The following PLCB1 variants were observed in gnomAD, a reference collection of about 807,000 sequenced individuals.
PLCB1 encodes phospholipase C beta 1, also known as 1-phosphatidylinositol 4,5-bisphosphate phosphodiesterase beta-1.
PLCB1 carries 46 observed loss-of-function variants against 161.8 expected under a neutral mutation model. The ratio of observed to expected loss-of-function variants is 0.28; its 90% CI spans 0.22 to 0.36. The LOEUF (loss-of-function observed/expected upper bound fraction) is 0.36, where lower values mean the gene tolerates loss of function less well. PLCB1 is among the 10% of genes least tolerant of loss of function. PLCB1 has a pLI of 1.00. For synonymous variants in PLCB1, 517 were observed against 503.7 expected (o/e 1.03, Z -0.35); for missense variants, 1,016 against 1,472.5 (o/e 0.69, Z 5.07).
intron 31 of PLCB1, among the ~76,000 whole-genome samples, chr20:8,837,546 G>A (rs1278205631): frequency 6.6e-6 from 1 of 152,164 alleles, no homozygotes; most frequent in Non-Finnish European, 1.5e-5. Context: ...CTGAAACATG[G>A]GCCAGAAGGT....
At chr20:8,767,458 C>T (rs1414183268) in intron 26 of PLCB1, among the ~76,000 whole-genome samples, 1 of 152,162 alleles carries the variant, frequency 6.6e-6, no homozygotes, top group Non-Finnish European at 1.5e-5. Context: ...TACTTTCTGC[C>T]GAGTTCCCAC....
At chr20:8,349,348 A>G (rs1005935850) in intron 2 of PLCB1, among the ~76,000 whole-genome samples, 2 of 152,216 alleles carry the variant, frequency 1.3e-5, no homozygotes, top group Non-Finnish European at 2.9e-5. Context: ...TACAGTCACA[A>G]TTCAATATAA....
intron 9 of PLCB1, among the ~76,000 whole-genome samples, chr20:8,683,790 C>G (rs1466967995): frequency 6.6e-6 from 1 of 151,984 alleles, no homozygotes; most frequent in Non-Finnish European, 1.5e-5. Flanking sequence ...ATTTAAAGAT[C>G]TTTTTTCATG....
At chr20:8,261,199 C>T (rs184504474) in intron 2 of PLCB1, among the ~76,000 whole-genome samples, 1 of 152,102 alleles carries the variant, frequency 6.6e-6, no homozygotes, top group Non-Finnish European at 1.5e-5. Flanking sequence ...GTCTCAGGCT[C>T]TACATTTAGG....
intron 19 of PLCB1, among the ~76,000 whole-genome samples, chr20:8,733,792 TAATAATAATAATAATA>T (rs1394663057): frequency 1.5e-5 from 1 of 65,930 alleles, no homozygotes; most frequent in African/African-American, 5.2e-5. Context: ...AGTATAATAA[TAATAATAATAATAATA>T]ATAATAATAA....
intron 23 of PLCB1, among the ~76,000 whole-genome samples, chr20:8,746,335 A>G (rs890868113): frequency 4.6e-5 from 7 of 152,176 alleles, no homozygotes. Flanking sequence ...TTCTATTTTT[A>G]AAATACCTAT....
intron 3 of PLCB1, among the ~76,000 whole-genome samples, chr20:8,424,037 CCACACAATCTG>C (rs1463172365): frequency 2.6e-5 from 4 of 152,042 alleles, no homozygotes; most frequent in Non-Finnish European, 5.9e-5. Flanking sequence ...GAGGGGTCAC[CCACACAATCTG>C]GAAATTAGGC....
chr20:8,427,572 A>G (rs1482414777), intron 3 of PLCB1, among the ~76,000 whole-genome samples: 6 of 152,192 alleles, frequency 3.9e-5, no homozygotes, highest in Admixed American at 3.9e-4. Flanking sequence ...CAGCAGAGAA[A>G]GAGTTTAATC....
intron 23 of PLCB1, among the ~76,000 whole-genome samples, chr20:8,753,974 A>G (rs1981610898): frequency 6.6e-6 from 1 of 152,186 alleles, no homozygotes; most frequent in Non-Finnish European, 1.5e-5. Flanking sequence ...GTTGTGTCCC[A>G]AGAGTGACAC....
intron 3 of PLCB1, among the ~76,000 whole-genome samples, chr20:8,431,651 A>G (rs1205415330): frequency 6.6e-6 from 1 of 152,178 alleles, no homozygotes; most frequent in Non-Finnish European, 1.5e-5. Context: ...GGACTTGAAT[A>G]TTAAGTCTGA....
chr20:8,401,571 C>A (rs1978553332), intron 3 of PLCB1, among the ~76,000 whole-genome samples: 1 of 152,188 alleles, frequency 6.6e-6, no homozygotes, highest in Admixed American at 6.5e-5. Flanking sequence ...TCCCAAATGT[C>A]AGTGGAATAA....
intron 3 of PLCB1, among the ~76,000 whole-genome samples, chr20:8,529,942 T>C (rs1319577543): frequency 6.6e-6 from 1 of 152,148 alleles, no homozygotes; most frequent in Non-Finnish European, 1.5e-5. Context: ...TATAATTAGT[T>C]ACTGTTTTCC....
intron 10 of PLCB1, among the ~76,000 whole-genome samples, chr20:8,697,204 C>G (rs550635725): frequency 6.6e-6 from 1 of 152,288 alleles, no homozygotes; most frequent in African/African-American, 2.4e-5. Context: ...AGTTTTGATG[C>G]TATAATCCTG....
At chr20:8,773,556 G>T (rs1982797122) in intron 26 of PLCB1, among the ~76,000 whole-genome samples, 1 of 152,176 alleles carries the variant, frequency 6.6e-6, no homozygotes, top group African/African-American at 2.4e-5. Flanking sequence ...ATTTTAGAAT[G>T]AACTAACGCA....
rs760187225 is a variant in PLCB1, at chr20:8,883,696, TAAA to T, written c.*1853_*1855del. On this transcript the variant is annotated 3_prime_UTR_variant, in exon 32 of 32. Coordinates refer to ENST00000338037, the MANE Select transcript of PLCB1 (RefSeq NM_015192.4). Reference sequence around the variant, plus strand: ...CAAACATAAGGAAACAGTGTTTGATTAAAAAAAACACATCTAGTAAGACGTAAG... The same window carrying T: ...CAAACATAAGGAAACAGTGTTTGATTAAAAACACATCTAGTAAGACGTAAG... The T allele has an allele frequency of 2.0e-5, 3 of 152,326 alleles. No individual in the cohort carries two copies. The highest frequency in any genetic ancestry group is 7.2e-5 in the African/African-American group (3 of 41,492). 9.4% of individuals were successfully genotyped at this position (152,326 alleles called of 1,614,324 possible).
chr20:8,277,208 C>T (rs533411105), intron 2 of PLCB1, among the ~76,000 whole-genome samples: 4 of 151,822 alleles, frequency 2.6e-5, no homozygotes, highest in African/African-American at 4.8e-5. Context: ...CATTGCATTT[C>T]TCCAATAGTT....
At chr20:8,153,609 A>G (rs1047783239) in intron 2 of PLCB1, among the ~76,000 whole-genome samples, 5 of 152,182 alleles carry the variant, frequency 3.3e-5, no homozygotes, top group African/African-American at 9.6e-5. Context: ...AAAAGTGTCA[A>G]TGTTAAAGAG....
chr20:8,726,775 C>T (rs1333229302), intron 16 of PLCB1, among the ~76,000 whole-genome samples: 1 of 152,062 alleles, frequency 6.6e-6, no homozygotes, highest in African/African-American at 2.4e-5. Flanking sequence ...AGCCATGAGA[C>T]TGGAAAATTT....
intron 31 of PLCB1, among the ~76,000 whole-genome samples, chr20:8,852,956 G>A (rs1308173178): frequency 6.6e-6 from 1 of 152,178 alleles, no homozygotes; most frequent in East Asian, 1.9e-4. Flanking sequence ...CAGTGTGGCA[G>A]CCCCCATATC....
Sources: allele counts gnomAD v4.1 joint callset (sites outside exome capture counted in the v4.1 genomes callset), GRCh38; gene constraint gnomAD v4.1.1; transcripts MANE v1.5; gene names NCBI Gene and HGNC (gene_info 2026-07-23, HGNC 2026-07-21).